SCAF8: variants seen among roughly 807,000 people sequenced by gnomAD.
SCAF8 encodes SR-related and CTD-associated factor 8.
In SCAF8, 23 loss-of-function variants were observed where a neutral mutation model predicts 140.5. That is an observed-to-expected ratio of 0.16 (90% CI 0.12 to 0.23). The LOEUF is 0.23. Among genes scored for constraint, SCAF8 ranks in the 10% least tolerant of loss-of-function variants. The probability of loss-of-function intolerance (pLI) is 1.00; values close to 1 mark genes in which losing one functional copy is unlikely to be tolerated. For missense variants in SCAF8, 1,397 were observed against 1,555.7 expected, an observed-to-expected ratio of 0.90 and a Z score of 1.72; for synonymous variants, 575 against 528.9, an observed-to-expected ratio of 1.09 and a Z score of -1.20.
intron 9 of SCAF8, 39 bp downstream of exon 9, chr6:154,805,525 A>G (rs1326784326): frequency 8.8e-7 from 1 of 1,136,142 alleles, no homozygotes; most frequent in Non-Finnish European, 1.2e-6. Context: ...AGTTATTACT[A>G]TTTATATTCT....
Position 154,749,017 on chromosome 6 carries a change from C to T in SCAF8, c.30+15087C>T, listed in dbSNP as rs982443892. Among the ~76,000 whole-genome samples the T allele has an allele frequency of 2.0e-5, 3 of 152,216 alleles. No individual in the cohort carries two copies. In the South Asian group the frequency reaches 6.2e-4, roughly 31 times the overall value. On this transcript the variant is annotated intron_variant, in intron 1 of 19. Transcript: ENST00000367178. Reference sequence around the variant, plus strand: ...AGTGCAGTGGCGCCATCTTGGCTCACTGCAACTTCTGCCTCCTGGGTTCAA... The same window carrying T: ...AGTGCAGTGGCGCCATCTTGGCTCATTGCAACTTCTGCCTCCTGGGTTCAA...
rs187314963 is a variant in SCAF8 at position 154,808,695 on chromosome 6, A to G, written c.1123A>G (p.Ile375Val). ...TCTTTTGACTTTCAAGGATATGGAT[A>G]TAGATGAAGGGCAAGATGGAGTGGA... ...SIDIQQQDMD[I>V]DEGQDGVEEE... The change falls in exon 11 of 20, where the codon ATA (isoleucine) becomes GTA (valine). Residue 375 changes from isoleucine (I) to valine (V), a missense_variant. Transcript: ENST00000367178. The G allele has an allele frequency of 8.1e-6, 13 of 1,608,420 alleles. No homozygotes were observed. The highest frequency in any genetic ancestry group is 2.2e-5 in the East Asian group (1 of 44,850).
At chr6:154,798,005 A>G (rs1777657940) in intron 6 of SCAF8, among the ~76,000 whole-genome samples, 1 of 151,384 alleles carries the variant, frequency 6.6e-6, no homozygotes, top group South Asian at 2.1e-4. Context: ...GTCCAGTGAT[A>G]CTGTATCACT....
chr6:154,829,313 T>A (rs1156710728), intron 18 of SCAF8, among the ~76,000 whole-genome samples: 1 of 152,028 alleles, frequency 6.6e-6, no homozygotes. Context: ...TTTACTAGAA[T>A]AGACATTTCA....
intron 3 of SCAF8, among the ~76,000 whole-genome samples, chr6:154,785,454 G>GGGTTTCTTC (rs1466845202): frequency 6.6e-6 from 1 of 152,052 alleles, no homozygotes; most frequent in Non-Finnish European, 1.5e-5. Context: ...TCTCTTCCTC[G>GGGTTTCTTC]CAATGCATGG....
chr6:154,822,547 A>AT, intron 16 of SCAF8, 138 bp downstream of exon 16: 1 of 864,728 alleles, frequency 1.2e-6, no homozygotes. Flanking sequence ...GGAAAAGAAT[A>AT]TTTCTTTTAA....
chr6:154,739,783 C>G (rs1308826736), intron 1 of SCAF8, among the ~76,000 whole-genome samples: 2 of 152,082 alleles, frequency 1.3e-5, no homozygotes, highest in African/African-American at 4.8e-5. Context: ...ATTTTACTTC[C>G]AAATTTGTAT....
rs189144367 is a variant in SCAF8 at position 154,815,293 on chromosome 6, T to C, written c.1421-423T>C. Among the ~76,000 whole-genome samples, 556 of 152,128 alleles carry C rather than the reference T, an allele frequency of 3.7e-3. 4 individuals are homozygous for C. Among genetic ancestry groups the C allele is most frequent in the African/African-American group, 0.013 (530 of 41,490 alleles). On this transcript the variant is annotated intron_variant, in intron 12 of 19. Coordinates refer to ENST00000367178, the MANE Select transcript of SCAF8 (RefSeq NM_014892.5). ...GCCTGGGCGACAGAGTGAGACTCCG[T>C]CTCAAAAAAATAAATAAATAAATAA... is the stretch of plus-strand genomic sequence containing the variant.
Position 154,810,216 on chromosome 6 carries a change from A to T in SCAF8, c.1420+8A>T. On this transcript the variant is annotated splice_region_variant and intron_variant, in intron 12 of 19. Transcript: ENST00000367178. The stretch of plus-strand genomic sequence containing the variant: ...GATCTAAAACACTAAGTGGTAAGTA[A>T]CATATATCTGCAACGCTTTGGTTTC... The T allele has an allele frequency of 6.4e-7, 1 of 1,568,738 alleles. No individual in the cohort carries two copies. The highest frequency in any genetic ancestry group is 8.7e-7 in the Non-Finnish European group (1 of 1,154,716).
intron 1 of SCAF8, among the ~76,000 whole-genome samples, chr6:154,772,650 T>A (rs140475919): frequency 4.9e-4 from 74 of 152,274 alleles, no homozygotes; most frequent in African/African-American, 1.7e-3. Flanking sequence ...GATCATGCCC[T>A]TGAACTCCAG....
At chr6:154,776,204 GTTTT>G (rs1314076298) in intron 2 of SCAF8, among the ~76,000 whole-genome samples, 1 of 147,180 alleles carries the variant, frequency 6.8e-6, no homozygotes, top group Non-Finnish European at 1.5e-5. Flanking sequence ...TCACCCAGCA[GTTTT>G]TTTTTTGTGA....
At chr6:154,784,898 T>C (rs1368704400) in intron 3 of SCAF8, among the ~76,000 whole-genome samples, 2 of 152,172 alleles carry the variant, frequency 1.3e-5, no homozygotes, top group African/African-American at 4.8e-5. Context: ...AGAAGACCTA[T>C]GTAGCTCCCA....
At chr6:154,770,904 C>T (rs1265007819) in intron 1 of SCAF8, among the ~76,000 whole-genome samples, 1 of 152,090 alleles carries the variant, frequency 6.6e-6, no homozygotes, top group Non-Finnish European at 1.5e-5. Flanking sequence ...ACCACTACAC[C>T]TGGGTAATTT....
At chr6:154,805,571 T>C (rs1468171166) in intron 9 of SCAF8, 85 bp downstream of exon 9, 1 of 602,010 alleles carries the variant, frequency 1.7e-6, no homozygotes, top group Non-Finnish European at 2.9e-6. Context: ...CTTTTTTTTT[T>C]TTTAATTGGT....
chr6:154,750,597 A>T (rs1389044298), intron 1 of SCAF8, among the ~76,000 whole-genome samples: 2 of 152,214 alleles, frequency 1.3e-5, no homozygotes, highest in African/African-American at 4.8e-5. Context: ...TTAAGTAGTA[A>T]ATTGAATGGC....
chr6:154,821,258 G>A (rs1203567841), intron 15 of SCAF8, among the ~76,000 whole-genome samples: 1 of 141,882 alleles, frequency 7.0e-6, no homozygotes, highest in Non-Finnish European at 1.6e-5. Context: ...AGCCTGTTCT[G>A]TAAATAAAGT....
chr6:154,795,076 G>T lies in SCAF8; in HGVS notation c.543G>T (p.Gln181His). The T allele has an allele frequency of 6.2e-7, 1 of 1,613,664 alleles. No homozygotes were observed. Reference protein sequence around the residue: ...VQGLPDPWVSQITNTDTLAAV... With the variant: ...VQGLPDPWVSHITNTDTLAAV... ...GCTTACCTGATCCGTGGGTATCTCA[G>T]ATAACAAATACAGATACACTTGCGG... is the stretch of plus-strand genomic sequence containing the variant. Residue 181 changes from glutamine to histidine, a missense_variant, in exon 6 of 20, where the codon CAG (glutamine) becomes CAT (histidine). Transcript: ENST00000367178.
chr6:154,772,960 A>G (rs978932866), intron 1 of SCAF8, among the ~76,000 whole-genome samples: 5 of 152,054 alleles, frequency 3.3e-5, no homozygotes, highest in Admixed American at 6.6e-5. Context: ...GGGTTTCCCC[A>G]TGTTGGCCAG....
Position 154,792,973 on chromosome 6 carries a change from C to T in SCAF8, c.472C>T (p.Pro158Ser). 1 of 1,605,060 alleles carries T rather than the reference C, an allele frequency of 6.2e-7. No homozygotes were observed. The highest frequency in any genetic ancestry group is 8.5e-7 in the Non-Finnish European group (1 of 1,176,586). The stretch of plus-strand genomic sequence containing the variant: ...CACTACCACTGCTATGAGCAATACT[C>T]CAGGTATGTTGCTTTAATATAGATT... ...ASTTTAMSNT[P>S]GTPVTPVTPA... The change falls in exon 5 of 20, where the codon CCA becomes TCA. Residue 158 changes from proline to serine, a missense_variant. By Grantham distance (74) the Pro-to-Ser change is moderately conservative. Coordinates refer to ENST00000367178, the MANE Select transcript of SCAF8 (RefSeq NM_014892.5).
Sources: gnomAD v4.1 joint callset for allele counts (sites outside exome capture counted in the v4.1 genomes callset) on GRCh38, gnomAD v4.1.1 for gene constraint, MANE v1.5 for transcripts, NCBI Gene and HGNC (gene_info 2026-07-23, HGNC 2026-07-21) for gene names.